The following HECW2 variants were observed in gnomAD, a reference collection of about 807,000 sequenced individuals.
HECW2 encodes E3 ubiquitin-protein ligase HECW2.
A neutral mutation model predicts 175.2 loss-of-function variants in HECW2; 61 were observed. The observed-to-expected ratio is 0.35, with a 90% CI of 0.28 to 0.43. The LOEUF (loss-of-function observed/expected upper bound fraction) is 0.43, where lower values mean the gene tolerates loss of function less well. HECW2 is among the 20% of genes least tolerant of loss of function. The pLI is 1.00. For missense variants in HECW2, 1,524 were observed against 2,000.5 expected (o/e 0.76, Z 4.54); for synonymous variants, 671 against 731.0 (o/e 0.92, Z 1.32).
chr2:196,246,542 G>A lies in HECW2; in HGVS notation c.3530-4338C>T, dbSNP rs538627779. Among the ~76,000 whole-genome samples the A allele has an allele frequency of 2.1e-3, 309 of 146,194 alleles. 1 individual carries two copies. Among genetic ancestry groups the A allele is most frequent in the African/African-American group, 7.1e-3 (293 of 41,224 alleles). On this transcript the variant is annotated intron_variant, in intron 19 of 28. Transcript: ENST00000644978. ...TTGGACTACAGGCGTCTGCCACCAC[G>A]CCCGGCTAATTATTTTTTTGTATTT...
intron 2 of HECW2, among the ~76,000 whole-genome samples, chr2:196,360,143 T>A (rs1412966911): frequency 6.6e-6 from 1 of 151,806 alleles, no homozygotes; most frequent in Non-Finnish European, 1.5e-5. Flanking sequence ...GTAGCAAACC[T>A]CCAAAGAGCT....
chr2:196,196,983 C>G lies in HECW2; in HGVS notation c.*4294G>C, dbSNP rs1686713844. 6.6e-6 allele frequency: 1 copy of G among 152,048 alleles called. No homozygotes were observed. Among genetic ancestry groups the G allele is most frequent in the South Asian group, 2.1e-4 (1 of 4,820 alleles). The allele number at this position is 152,048 out of a possible 1,614,324, so 9.4% of individuals were successfully genotyped here. ...CCTGTAGTCCCAGTTACTCAGGAGG[C>G]TGAGGTGGGAGGATCGCTTGAGCCT... On this transcript the variant is annotated 3_prime_UTR_variant, in exon 29 of 29. Coordinates refer to ENST00000644978, the MANE Select transcript of HECW2 (RefSeq NM_001348768.2).
intron 1 of HECW2, among the ~76,000 whole-genome samples, chr2:196,537,900 T>C (rs1689073713): frequency 1.3e-5 from 2 of 152,220 alleles, no homozygotes; most frequent in South Asian, 2.1e-4. Flanking sequence ...TATACCAGCA[T>C]TGTAGCTAGG....
chr2:196,439,448 T>A (rs905695374), intron 1 of HECW2, among the ~76,000 whole-genome samples: 3 of 152,190 alleles, frequency 2.0e-5, no homozygotes, highest in African/African-American at 7.2e-5. Context: ...TCCACATGGC[T>A]CCTGGTTTCC....
chr2:196,278,450 T>G, intron 15 of HECW2, 78 bp downstream of exon 15: 1 of 1,330,190 alleles, frequency 7.5e-7, no homozygotes, highest in Non-Finnish European at 1.0e-6. Flanking sequence ...TTTAAAAAAA[T>G]CAGTCAAATT....
At chr2:196,521,138 T>C (rs1688357571) in intron 1 of HECW2, among the ~76,000 whole-genome samples, 2 of 151,828 alleles carry the variant, frequency 1.3e-5, no homozygotes, top group Non-Finnish European at 2.9e-5. Flanking sequence ...AGCTCTTTTG[T>C]AGGTAAAGTA....
chr2:196,543,297 T>A (rs73989984), intron 1 of HECW2, among the ~76,000 whole-genome samples: 41 of 151,102 alleles, frequency 2.7e-4, no homozygotes, highest in African/African-American at 9.2e-4. Flanking sequence ...TTTATATATA[T>A]AAATTTGTTG....
At chr2:196,299,811 C>T (rs190402825) in intron 13 of HECW2, among the ~76,000 whole-genome samples, 104 of 152,152 alleles carry the variant, frequency 6.8e-4, no homozygotes, top group African/African-American at 2.3e-3. Flanking sequence ...CATCTTTGGT[C>T]CCAGCTACCC....
intron 25 of HECW2, 114 bp from the exon 26 acceptor site, chr2:196,220,267 T>A: frequency 1.5e-6 from 1 of 681,924 alleles, no homozygotes; most frequent in Non-Finnish European, 2.6e-6. Flanking sequence ...GTGTGTACCT[T>A]GTGTTGGCAC....
At chr2:196,286,096 T>A (rs2106010301) in intron 14 of HECW2, among the ~76,000 whole-genome samples, 1 of 152,264 alleles carries the variant, frequency 6.6e-6, no homozygotes, top group Non-Finnish European at 1.5e-5. Flanking sequence ...TGTACCAGCT[T>A]GTGAGAGCGG....
In HECW2 at chr2:196,433,137, T is replaced by G. The variant is rs1279863106; in HGVS notation, c.287A>C (p.His96Pro). 1 of 1,607,876 alleles carries G rather than the reference T, an allele frequency of 6.2e-7. No individual in the cohort carries two copies. Among genetic ancestry groups the G allele is most frequent in the South Asian group, 1.1e-5 (1 of 90,542 alleles). Residue 96 changes from histidine (H) to proline (P), a missense_variant, in exon 2 of 29, where the codon CAT becomes CCT. By Grantham distance (77) the His-to-Pro change is moderately conservative. Transcript: ENST00000644978. ...VDPSDWIGLY[H>P]IDENSPANFW... is the part of the protein sequence containing the mutation. ...GTCCATTCCACTTGACTCACCTATA[T>G]GATAAAGTCCAATCCAATCACTGGG...
chr2:196,282,560 G>A (rs369278423), intron 14 of HECW2, among the ~76,000 whole-genome samples: 21 of 152,204 alleles, frequency 1.4e-4, no homozygotes, highest in African/African-American at 4.6e-4. Context: ...GGGTGGGGGC[G>A]GTTCTAGGTC....
chr2:196,364,263 T>C (rs1340613505), intron 2 of HECW2, among the ~76,000 whole-genome samples: 2 of 152,212 alleles, frequency 1.3e-5, no homozygotes, highest in Non-Finnish European at 2.9e-5. Flanking sequence ...TTTTCCTATA[T>C]GGAGAAAACC....
At chr2:196,419,106 C>A (rs1695337458) in intron 2 of HECW2, among the ~76,000 whole-genome samples, 1 of 152,138 alleles carries the variant, frequency 6.6e-6, no homozygotes, top group East Asian at 1.9e-4. Context: ...GAACAAGATG[C>A]AGTTAAGGAG....
At chr2:196,384,398 T>C (rs1187403310) in intron 2 of HECW2, among the ~76,000 whole-genome samples, 4 of 151,852 alleles carry the variant, frequency 2.6e-5, no homozygotes, top group Non-Finnish European at 5.9e-5. Context: ...CTGCATAATA[T>C]AGAAAGACCC....
chr2:196,588,623 G>A (rs552409011), intron 1 of HECW2, among the ~76,000 whole-genome samples: 1 of 152,310 alleles, frequency 6.6e-6, no homozygotes, highest in South Asian at 2.1e-4. Context: ...CATATCCATA[G>A]ATACATTATC....
At chr2:196,448,199 C>T (rs756968976) in intron 1 of HECW2, among the ~76,000 whole-genome samples, 4 of 152,154 alleles carry the variant, frequency 2.6e-5, no homozygotes, top group Non-Finnish European at 5.9e-5. Flanking sequence ...CAGGATCAAG[C>T]CCTTTGTCTC....
At chr2:196,409,002 C>G (rs1695035891) in intron 2 of HECW2, among the ~76,000 whole-genome samples, 1 of 152,152 alleles carries the variant, frequency 6.6e-6, no homozygotes, top group Non-Finnish European at 1.5e-5. Context: ...CTATTGTTAA[C>G]TTTTTCAGGA....
At chr2:196,590,900 T>C (rs1691167368) in intron 1 of HECW2, among the ~76,000 whole-genome samples, 1 of 152,248 alleles carries the variant, frequency 6.6e-6, no homozygotes, top group South Asian at 2.1e-4. Flanking sequence ...TTTTATTTTT[T>C]GTCTCCTGTT....
Sources: gnomAD v4.1 joint callset for allele counts (sites outside exome capture counted in the v4.1 genomes callset) on GRCh38, gnomAD v4.1.1 for gene constraint, MANE v1.5 for transcripts, NCBI Gene and HGNC (gene_info 2026-07-23, HGNC 2026-07-21) for gene names.